Variants in ALLC observed in about 807,000 individuals in gnomAD.
ALLC encodes allantoicase, also known as probable inactive allantoicase.
Under a neutral mutation model 45.0 loss-of-function variants are expected in ALLC, and 40 were observed. That is an observed-to-expected ratio of 0.89 (90% CI 0.69 to 1.16). The LOEUF (loss-of-function observed/expected upper bound fraction) is 1.16. Ranked by LOEUF, ALLC falls within the 50% of genes most tolerant of loss-of-function variation. The probability of loss-of-function intolerance (pLI) is 0.00; values close to 1 mark genes in which losing one functional copy is unlikely to be tolerated. For synonymous variants in ALLC, 176 were observed against 178.1 expected (o/e 0.99, Z 0.09); for missense variants, 488 against 493.1 (o/e 0.99, Z 0.10).
chr2:3,655,537 C>G (rs1351652334), upstream of ALLC, among the ~76,000 whole-genome samples: 1 of 152,210 alleles, frequency 6.6e-6, no homozygotes, highest in Non-Finnish European at 1.5e-5. Flanking sequence ...CTCATTGTAG[C>G]CTTGAACTGC....
At chr2:3,653,567 A>T (rs1666381673), upstream of ALLC, among the ~76,000 whole-genome samples, 1 of 152,104 alleles carries the variant, frequency 6.6e-6, no homozygotes, top group Admixed American at 6.5e-5. The surrounding 1 kb of genome is among the most constrained non-coding windows in gnomAD (Gnocchi z 4.1). Context: ...CTGCTAAAAA[A>T]TTCCATCACA....
At chr2:3,663,252 T>G (rs186421295) in intron 1 of ALLC, among the ~76,000 whole-genome samples, 3 of 152,106 alleles carry the variant, frequency 2.0e-5, no homozygotes, top group Admixed American at 6.5e-5. Flanking sequence ...CCATAAAAGA[T>G]GAGATCATGT....
intron 1 of ALLC, among the ~76,000 whole-genome samples, chr2:3,669,770 C>A (rs533681578): frequency 6.6e-6 from 1 of 152,160 alleles, no homozygotes. Context: ...TTTGCTGGAG[C>A]GACCAGGAGG....
chr2:3,699,484 G>A (rs1288916004), intron 10 of ALLC, among the ~76,000 whole-genome samples: 1 of 152,134 alleles, frequency 6.6e-6, no homozygotes, highest in African/African-American at 2.4e-5. Context: ...TGTCTTTATG[G>A]CAGAATGATT....
At chr2:3,683,155 G>T (rs1455285476) in intron 7 of ALLC, 81 bp downstream of exon 7, 1 of 1,424,456 alleles carries the variant, frequency 7.0e-7, no homozygotes, top group Non-Finnish European at 9.5e-7. Flanking sequence ...AAAATGACTT[G>T]CTCTTTCCTT....
chr2:3,673,379 C>T (rs1406739423), intron 2 of ALLC, among the ~76,000 whole-genome samples: 2 of 152,194 alleles, frequency 1.3e-5, no homozygotes, highest in East Asian at 3.9e-4. Flanking sequence ...AACAGGTCAA[C>T]CTCAGCACAT....
Position 3,681,703 on chromosome 2 carries a change from CCA to C in ALLC, c.369_370del (p.Ile124CysfsTer2), listed in dbSNP as rs776921871. On this transcript the variant is annotated frameshift_variant, in exon 6 of 12. Transcript: ENST00000252505. LOFTEE classifies it high-confidence loss of function. ...GCAGCCACTCCTGAGGAGTTTGAAG[CCA>C]TTGCTGAGGTACATCTCCCCCAAAT... is the stretch of plus-strand genomic sequence containing the variant. 1.9e-5 allele frequency: 31 copies of C among 1,608,906 alleles called. No homozygotes were observed. Among genetic ancestry groups the C allele is most frequent in the Non-Finnish European group, 2.6e-5 (31 of 1,177,368 alleles).
chr2:3,680,416 C>G lies in ALLC; in HGVS notation c.298+422C>G, dbSNP rs978424439. ...TGTCCCAGTGTGTGTGATGGGGGAG[C>G]TGCTATGGCATTTTAGGCAAGGGTT... On this transcript the variant is annotated intron_variant, in intron 5 of 11. Coordinates refer to ENST00000252505, the MANE Select transcript of ALLC (RefSeq NM_018436.4). The surrounding 1 kb of genome is among the most constrained non-coding windows in gnomAD (Gnocchi z 4.0). Among the ~76,000 whole-genome samples the G allele has an allele frequency of 7.9e-5, 12 of 152,022 alleles. No homozygotes were observed. Among genetic ancestry groups the G allele is most frequent in the African/African-American group, 2.9e-4 (12 of 41,314 alleles).
intron 1 of ALLC, among the ~76,000 whole-genome samples, chr2:3,662,528 A>C (rs1235304814): frequency 6.6e-6 from 1 of 152,256 alleles, no homozygotes; most frequent in African/African-American, 2.4e-5. Flanking sequence ...TATACGGACT[A>C]ATTTCAAGGC....
chr2:3,695,965 C>T (rs1667655889), intron 8 of ALLC, 93 bp downstream of exon 8: 11 of 1,312,842 alleles, frequency 8.4e-6, no homozygotes, highest in South Asian at 1.5e-5. Flanking sequence ...AAAGGAAAGG[C>T]ACATCTCAAA....
At chr2:3,648,934 T>C in the ALLC span, among the ~76,000 whole-genome samples, 7 of 152,332 alleles carry the variant, frequency 4.6e-5, no homozygotes, top group South Asian at 6.2e-4. Context: ...CATGACACGA[T>C]GTGTGTAGGG....
At chr2:3,692,089 G>A (rs567058121) in intron 7 of ALLC, among the ~76,000 whole-genome samples, 54 of 152,284 alleles carry the variant, frequency 3.5e-4, no homozygotes, top group African/African-American at 1.3e-3. Context: ...ATATATCACT[G>A]TCTTATTATG....
chr2:3,686,620 C>T (rs1411811761), intron 7 of ALLC, among the ~76,000 whole-genome samples: 1 of 150,632 alleles, frequency 6.6e-6, no homozygotes, highest in Non-Finnish European at 1.5e-5. Flanking sequence ...TATATTTCAC[C>T]AGTGTTTTAT....
At chr2:3,671,024 T>C (rs1345080422) in intron 1 of ALLC, 72 bp from the exon 2 acceptor site, 2 of 834,398 alleles carry the variant, frequency 2.4e-6, no homozygotes, top group Non-Finnish European at 3.9e-6. Flanking sequence ...AATCTTAGCG[T>C]CAGGAGCCTA....
rs79273505 is a variant in ALLC at position 3,686,189 on chromosome 2, C to T, written c.511+3115C>T. ...GAGATAGGAGTCTAGTTTCATTCTTCGGCATGCAGTTATCTAGTTTCCCCA... is the reference window on the plus strand; with the variant it reads ...GAGATAGGAGTCTAGTTTCATTCTTTGGCATGCAGTTATCTAGTTTCCCCA... On this transcript the variant is annotated intron_variant, in intron 7 of 11. Transcript: ENST00000252505. Among the ~76,000 whole-genome samples, 1,400 of 151,108 alleles carry T rather than the reference C, an allele frequency of 9.3e-3. 31 individuals are homozygous for T. Among genetic ancestry groups the T allele is most frequent in the African/African-American group, 0.027 (1,121 of 41,438 alleles).
In ALLC at chr2:3,702,529, T is replaced by G. The variant is rs1667890972; in HGVS notation, c.1142T>G (p.Leu381Trp). ...CTGAGGCCCCGGGAGAAGCCCATGT[T>G]GAAGTTCTCGGTGAGCTTCAAAGCA... is the stretch of plus-strand genomic sequence containing the variant. ...CLLRPREKPM[L>W]KFSVSFKANP The change falls in exon 12 of 12, where the codon TTG (leucine) becomes TGG (tryptophan). Residue 381 changes from leucine to tryptophan, a missense_variant. Leu to Trp is a moderately conservative substitution (Grantham distance 61). Coordinates refer to ENST00000252505, the MANE Select transcript of ALLC (RefSeq NM_018436.4). 1 of 1,604,390 alleles carries G rather than the reference T, an allele frequency of 6.2e-7. No homozygotes were observed. Among genetic ancestry groups the G allele is most frequent in the South Asian group, 1.1e-5 (1 of 90,408 alleles).
chr2:3,651,131 C>T, the ALLC span, among the ~76,000 whole-genome samples: 1 of 151,334 alleles, frequency 6.6e-6, no homozygotes. Context: ...GATGGATGAG[C>T]GCAGACACAC....
At chr2:3,671,014 A>C in intron 1 of ALLC, 82 bp from the exon 2 acceptor site, 1 of 773,746 alleles carries the variant, frequency 1.3e-6, no homozygotes, top group Admixed American at 2.4e-5. Context: ...GAAAGTCTCA[A>C]ATCTTAGCGT....
the ALLC span, among the ~76,000 whole-genome samples, chr2:3,651,443 T>TGTGTGTGTGTGTGTGTGTG: frequency 1.2e-4 from 2 of 16,808 alleles, no homozygotes; most frequent in Admixed American, 7.3e-4. Flanking sequence ...GTGTGTGTGT[T>TGTGTGTGTGTGTGTGTGTG]AGGAAGGGAG....
Sources: gnomAD v4.1 joint callset for allele counts (sites outside exome capture counted in the v4.1 genomes callset) on GRCh38, gnomAD v4.1.1 for gene constraint, Gnocchi (gnomAD v3.1) non-coding constraint, MANE v1.5 for transcripts, NCBI Gene and HGNC (gene_info 2026-07-23, HGNC 2026-07-21) for gene names.